ATXN7L1: variants seen among roughly 807,000 people sequenced by gnomAD.
ATXN7L1 encodes ataxin-7-like protein 1.
ATXN7L1 carries 15 observed loss-of-function variants against 70.8 expected under a neutral mutation model. The ratio of observed to expected loss-of-function variants is 0.21; its 90% CI spans 0.14 to 0.33. The LOEUF is 0.33. ATXN7L1 is among the 10% of genes least tolerant of loss of function. ATXN7L1 has a pLI of 1.00. For synonymous variants in ATXN7L1, 440 were observed against 445.1 expected (o/e 0.99, Z 0.14); for missense variants, 975 against 1,097.1 (o/e 0.89, Z 1.57).
chr7:105,873,078 C>T (rs1348086859), intron 2 of ATXN7L1, among the ~76,000 whole-genome samples: 1 of 152,028 alleles, frequency 6.6e-6, no homozygotes, highest in African/African-American at 2.4e-5. Context: ...GGTGTGAACC[C>T]GGGAGGCGGA....
At chr7:105,765,599 T>C (rs1221288660) in intron 3 of ATXN7L1, among the ~76,000 whole-genome samples, 3 of 152,160 alleles carry the variant, frequency 2.0e-5, no homozygotes, top group African/African-American at 4.8e-5. Context: ...AAACTACTAA[T>C]TGGGAAAACA....
At chr7:105,636,320 G>A (rs567416382) in intron 7 of ATXN7L1, among the ~76,000 whole-genome samples, 3 of 151,994 alleles carry the variant, frequency 2.0e-5, no homozygotes, top group East Asian at 1.9e-4. Flanking sequence ...GGTGGAACCC[G>A]GGAGGCGGAG....
At chr7:105,874,123 CAA>C (rs766696244) in intron 2 of ATXN7L1, among the ~76,000 whole-genome samples, 17 of 71,952 alleles carry the variant, frequency 2.4e-4, no homozygotes, top group Admixed American at 5.2e-4. Context: ...GAATCCGTAT[CAA>C]AAAAAAAAAA....
At chr7:105,706,362 T>C (rs561154357) in intron 3 of ATXN7L1, among the ~76,000 whole-genome samples, 101 of 152,020 alleles carry the variant, frequency 6.6e-4, no homozygotes, top group African/African-American at 2.4e-3. Context: ...CCCAGCTAAT[T>C]TTTTTGTATT....
chr7:105,696,627 T>C (rs1267053832), intron 3 of ATXN7L1, among the ~76,000 whole-genome samples: 2 of 152,164 alleles, frequency 1.3e-5, no homozygotes, highest in African/African-American at 4.8e-5. Flanking sequence ...AATGCGCTAA[T>C]GGAGAGATGT....
chr7:105,672,213 G>T (rs2116110767), intron 3 of ATXN7L1, among the ~76,000 whole-genome samples: 1 of 152,208 alleles, frequency 6.6e-6, no homozygotes, highest in African/African-American at 2.4e-5. Context: ...TTGAACCCTG[G>T]AAGCGGAGGC....
intron 2 of ATXN7L1, among the ~76,000 whole-genome samples, chr7:105,833,313 T>C (rs1811901168): frequency 6.6e-6 from 1 of 152,202 alleles, no homozygotes; most frequent in Non-Finnish European, 1.5e-5. Flanking sequence ...TCACTCATCT[T>C]GCCCCTACTA....
intron 2 of ATXN7L1, among the ~76,000 whole-genome samples, chr7:105,807,532 C>A (rs962595947): frequency 6.6e-6 from 1 of 152,230 alleles, no homozygotes; most frequent in Admixed American, 6.5e-5. Flanking sequence ...ATCTTCACAC[C>A]CTTGGGTTCC....
chr7:105,807,148 C>G (rs1563109200), intron 2 of ATXN7L1, among the ~76,000 whole-genome samples: 1 of 152,168 alleles, frequency 6.6e-6, no homozygotes, highest in Non-Finnish European at 1.5e-5. Flanking sequence ...TTCTGCTGCC[C>G]CACCACAATG....
At chr7:105,819,745 G>A in intron 2 of ATXN7L1, 1 of 751,630 alleles carries the variant, frequency 1.3e-6, no homozygotes, top group Non-Finnish European at 2.4e-6. Context: ...CTGACCTCGA[G>A]GCATGTTGCC....
At chr7:105,759,124 A>C (rs762650905) in intron 3 of ATXN7L1, among the ~76,000 whole-genome samples, 2 of 150,542 alleles carry the variant, frequency 1.3e-5, no homozygotes, top group Non-Finnish European at 3.0e-5. Context: ...ATTATATAAA[A>C]ATATTATTTA....
chr7:105,705,383 A>C (rs1213377460), intron 3 of ATXN7L1, among the ~76,000 whole-genome samples: 1 of 152,134 alleles, frequency 6.6e-6, no homozygotes, highest in Non-Finnish European at 1.5e-5. Flanking sequence ...GAACACATGC[A>C]TCTTTTTGGC....
chr7:105,695,143 C>T (rs997587524), intron 3 of ATXN7L1, among the ~76,000 whole-genome samples: 1 of 135,834 alleles, frequency 7.4e-6, no homozygotes, highest in East Asian at 2.1e-4. Flanking sequence ...AAAAATTAGC[C>T]GGGCGTGGTG....
intron 7 of ATXN7L1, among the ~76,000 whole-genome samples, chr7:105,629,467 T>C (rs1796252778): frequency 6.7e-6 from 1 of 148,194 alleles, no homozygotes; most frequent in East Asian, 1.9e-4. Flanking sequence ...ATAATATATA[T>C]AATTATATAT....
chr7:105,708,254 C>T (rs898944227), intron 3 of ATXN7L1, among the ~76,000 whole-genome samples: 6 of 152,172 alleles, frequency 3.9e-5, no homozygotes, highest in Non-Finnish European at 5.9e-5. Context: ...ACTAACCTCT[C>T]GGGCCTCAGT....
intron 3 of ATXN7L1, among the ~76,000 whole-genome samples, chr7:105,679,709 T>C (rs965129472): frequency 3.9e-5 from 6 of 152,066 alleles, no homozygotes; most frequent in Non-Finnish European, 5.9e-5. Context: ...CCACACGTTA[T>C]ATGAAATGTC....
At chr7:105,771,379 G>GA (rs1300805321) in intron 3 of ATXN7L1, among the ~76,000 whole-genome samples, 1 of 152,070 alleles carries the variant, frequency 6.6e-6, no homozygotes, top group Non-Finnish European at 1.5e-5. Flanking sequence ...TGTTCTCACT[G>GA]AAAATTATGA....
intron 3 of ATXN7L1, among the ~76,000 whole-genome samples, chr7:105,763,981 G>A (rs1340784156): frequency 1.3e-5 from 2 of 152,024 alleles, no homozygotes; most frequent in African/African-American, 2.4e-5. Context: ...AGCCTCCCAA[G>A]GAGCTGGGAT....
intron 4 of ATXN7L1, among the ~76,000 whole-genome samples, chr7:105,659,548 A>G (rs1001619498): frequency 6.6e-6 from 1 of 152,228 alleles, no homozygotes; most frequent in East Asian, 1.9e-4. Flanking sequence ...GAGGAAGTGA[A>G]TGAGGAAAGG....
Sources: allele counts gnomAD v4.1 joint callset (sites outside exome capture counted in the v4.1 genomes callset), GRCh38; gene constraint gnomAD v4.1.1; transcripts MANE v1.5; gene names NCBI Gene and HGNC (gene_info 2026-07-23, HGNC 2026-07-21).